Variants in MCHR2 observed in about 807,000 individuals in gnomAD.
The protein encoded by MCHR2 is melanin concentrating hormone receptor 2.
In MCHR2, 15 loss-of-function variants were observed where a neutral mutation model predicts 24.8. The ratio of observed to expected loss-of-function variants is 0.60; its 90% CI spans 0.40 to 0.93. The LOEUF is 0.93. Among genes scored for constraint, MCHR2 ranks in the 40% least tolerant of loss-of-function variants. The pLI is 0.00. For synonymous variants in MCHR2, 151 were observed against 147.6 expected, an observed-to-expected ratio of 1.02 and a Z score of -0.17; for missense variants, 386 against 408.7, an observed-to-expected ratio of 0.94 and a Z score of 0.48.
rs563680235 is a variant in MCHR2 at position 99,994,170 on chromosome 6, G to C, written c.-262C>G. ...ACAGCCAAACGCCCGAACCAGCGGG[G>C]TTACCTTTGCCACTTCATCCAATCC... On this transcript the variant is annotated 5_prime_UTR_variant, in exon 1 of 6. Transcript: ENST00000281806. The C allele has an allele frequency of 2.0e-5, 3 of 152,412 alleles. No individual in the cohort carries two copies. Among genetic ancestry groups the C allele is most frequent in the South Asian group, 4.1e-4 (2 of 4,828 alleles). 9.4% of individuals were successfully genotyped at this position (152,412 alleles called of 1,614,324 possible). A position where few individuals can be genotyped will look rare whatever the true frequency, so the allele number is the denominator to read the frequency against.
At chr6:99,925,320 G>A (rs551143432) in intron 5 of MCHR2, among the ~76,000 whole-genome samples, 3 of 151,870 alleles carry the variant, frequency 2.0e-5, no homozygotes, top group South Asian at 2.1e-4. Flanking sequence ...GAAGGCAATA[G>A]ATCAACAGGT....
chr6:99,955,251 G>T (rs1274667752), intron 2 of MCHR2, among the ~76,000 whole-genome samples: 1 of 152,146 alleles, frequency 6.6e-6, no homozygotes, highest in African/African-American at 2.4e-5. Context: ...AATCCATTTT[G>T]TCAAGTCCCT....
intron 1 of MCHR2, among the ~76,000 whole-genome samples, chr6:99,975,837 TATG>T (rs1398526847): frequency 6.6e-6 from 1 of 152,246 alleles, no homozygotes; most frequent in Admixed American, 6.5e-5. Context: ...AACTGAACTT[TATG>T]ATAATTCTTG....
At chr6:99,934,964 C>T (rs1774627193) in intron 4 of MCHR2, among the ~76,000 whole-genome samples, 1 of 151,900 alleles carries the variant, frequency 6.6e-6, no homozygotes. Flanking sequence ...AAGTGGCTTG[C>T]CCAAGATTAC....
chr6:99,970,017 C>T (rs1392199604), intron 1 of MCHR2, among the ~76,000 whole-genome samples: 3 of 145,404 alleles, frequency 2.1e-5, no homozygotes, highest in Non-Finnish European at 3.0e-5. Context: ...CTGCAATAAA[C>T]ATACGTGTGC....
At chr6:99,960,375 A>C (rs1458525402) in intron 1 of MCHR2, among the ~76,000 whole-genome samples, 1 of 152,238 alleles carries the variant, frequency 6.6e-6, no homozygotes, top group Non-Finnish European at 1.5e-5. Flanking sequence ...ATTGATAGGA[A>C]GAATCAATAT....
At chr6:99,955,018 G>A (rs141285299) in intron 2 of MCHR2, among the ~76,000 whole-genome samples, 19 of 152,184 alleles carry the variant, frequency 1.2e-4, no homozygotes, top group Admixed American at 6.5e-4. Context: ...ACTTCTGGTC[G>A]CAAGCATTTT....
At chr6:99,948,667 T>C (rs1009625883) in intron 2 of MCHR2, among the ~76,000 whole-genome samples, 3 of 152,150 alleles carry the variant, frequency 2.0e-5, no homozygotes, top group South Asian at 4.1e-4. Flanking sequence ...TTTGGGGTAA[T>C]TTTTTATGCA....
chr6:99,963,391 T>C (rs1775235571), intron 1 of MCHR2, among the ~76,000 whole-genome samples: 1 of 152,090 alleles, frequency 6.6e-6, no homozygotes, highest in Admixed American at 6.6e-5. Flanking sequence ...TGATACTAAG[T>C]GAAATAAGTC....
intron 5 of MCHR2, among the ~76,000 whole-genome samples, chr6:99,926,962 G>A (rs1774376049): frequency 6.6e-6 from 1 of 152,216 alleles, no homozygotes; most frequent in Non-Finnish European, 1.5e-5. Flanking sequence ...GGGTTTTTAT[G>A]GTTTTAGGTC....
chr6:99,974,063 T>C (rs1460790449), intron 1 of MCHR2, among the ~76,000 whole-genome samples: 11 of 152,186 alleles, frequency 7.2e-5, no homozygotes, highest in African/African-American at 2.4e-5. Flanking sequence ...TCGAGGAGTA[T>C]CTTTGTGACG....
At chr6:99,976,594 C>A (rs1350015941) in intron 1 of MCHR2, among the ~76,000 whole-genome samples, 2 of 152,212 alleles carry the variant, frequency 1.3e-5, no homozygotes, top group Non-Finnish European at 2.9e-5. Flanking sequence ...CTGCTGCCAG[C>A]TAGCCACATC....
intron 1 of MCHR2, among the ~76,000 whole-genome samples, chr6:99,984,155 T>C (rs1775724836): frequency 6.6e-6 from 1 of 152,192 alleles, no homozygotes; most frequent in Non-Finnish European, 1.5e-5. Context: ...CACATACACA[T>C]ATATACATAC....
chr6:99,957,196 T>C (rs768023860), intron 1 of MCHR2, among the ~76,000 whole-genome samples: 36 of 152,254 alleles, frequency 2.4e-4, no homozygotes, highest in Non-Finnish European at 5.0e-4. Context: ...GTCCAGGGCC[T>C]ACTGAGGCTG....
chr6:99,930,940 T>C (rs1197094598), intron 5 of MCHR2, among the ~76,000 whole-genome samples: 3 of 152,230 alleles, frequency 2.0e-5, no homozygotes, highest in African/African-American at 7.2e-5. Context: ...TTCCAGTTTT[T>C]CTGCTCTGTT....
Position 99,943,132 on chromosome 6 carries a change from A to T in MCHR2, c.404T>A (p.Leu135His). The change falls in exon 4 of 6, where the codon CTC (leucine) becomes CAC (histidine). Residue 135 changes from leucine (L) to histidine (H), a missense_variant. By Grantham distance (99) the Leu-to-His change is moderately conservative. Coordinates refer to ENST00000281806, the MANE Select transcript of MCHR2 (RefSeq NM_001040179.2). Reference sequence around the variant, plus strand: ...ACGTGTCAGTCGAAATGGTTGGACGAGGGCAAAGTACCTGCAAAGGCAGTC... The same window carrying T: ...ACGTGTCAGTCGAAATGGTTGGACGTGGGCAAAGTACCTGCAAAGGCAGTC... ...TVMSVDRYFA[L>H]VQPFRLTRWR... The T allele has an allele frequency of 6.2e-7, 1 of 1,607,720 alleles. No homozygotes were observed. Among genetic ancestry groups the T allele is most frequent in the Non-Finnish European group, 8.5e-7 (1 of 1,176,250 alleles).
chr6:99,939,881 T>G (rs866314603), intron 4 of MCHR2, among the ~76,000 whole-genome samples: 1,841 of 151,144 alleles, frequency 0.012, 23 homozygotes, highest in Middle Eastern at 0.045. Context: ...TGTTTTTTTT[T>G]TTTTTTTTTT....
At chr6:99,991,029 G>A (rs980634424) in intron 1 of MCHR2, among the ~76,000 whole-genome samples, 2 of 151,450 alleles carry the variant, frequency 1.3e-5, no homozygotes, top group African/African-American at 4.9e-5. Flanking sequence ...AGAAACCCAA[G>A]CATGTGGTGA....
At chr6:99,930,775 T>G (rs1735932698) in intron 5 of MCHR2, among the ~76,000 whole-genome samples, 1 of 152,160 alleles carries the variant, frequency 6.6e-6, no homozygotes, top group African/African-American at 2.4e-5. Flanking sequence ...CTTCTTTCCC[T>G]TTGGTTTGAA....
Sources: allele counts gnomAD v4.1 joint callset (sites outside exome capture counted in the v4.1 genomes callset), GRCh38; gene constraint gnomAD v4.1.1; transcripts MANE v1.5; gene names NCBI Gene and HGNC (gene_info 2026-07-23, HGNC 2026-07-21).